ZFYVE9: variants seen among roughly 807,000 people sequenced by gnomAD.
ZFYVE9 encodes zinc finger FYVE domain-containing protein 9.
In ZFYVE9, 43 loss-of-function variants were observed where a neutral mutation model predicts 126.7. That is an observed-to-expected ratio of 0.34 (90% CI 0.27 to 0.44). ZFYVE9 has a LOEUF of 0.44. ZFYVE9 is among the 20% of genes least tolerant of loss of function. The probability of loss-of-function intolerance (pLI) is 1.00; values close to 1 mark genes in which losing one functional copy is unlikely to be tolerated. For synonymous variants in ZFYVE9, 521 were observed against 597.4 expected (o/e 0.87, Z 1.87); for missense variants, 1,476 against 1,697.0 (o/e 0.87, Z 2.29).
intron 10 of ZFYVE9, among the ~76,000 whole-genome samples, chr1:52,288,039 A>G (rs1014272575): frequency 1.3e-5 from 2 of 152,226 alleles, no homozygotes; most frequent in Non-Finnish European, 2.9e-5. Context: ...CAAAATACCT[A>G]ACATTTTTTG....
rs1180489546 is a variant in ZFYVE9, at chr1:52,239,127, A to G, written c.1710A>G (p.Pro570=). 7 of 1,614,152 alleles carry G rather than the reference A, an allele frequency of 4.3e-6. No homozygotes were observed. The highest frequency in any genetic ancestry group is 1.7e-5 in the Admixed American group (1 of 59,994). The change falls in exon 4 of 19, where the codon CCA becomes CCG. Residue 570 remains proline, a synonymous_variant. Coordinates refer to ENST00000287727, the MANE Select transcript of ZFYVE9 (RefSeq NM_004799.4). ...CCCCCAAGGTAGTAGCAAGCCTGCC[A>G]TCTATCAGTGTTCCTTTTGGTGGTG... ...QSSPKVVASL[P]SISVPFGGAR...
chr1:52,219,351 G>A (rs993023189), intron 2 of ZFYVE9, among the ~76,000 whole-genome samples: 1 of 152,112 alleles, frequency 6.6e-6, no homozygotes, highest in African/African-American at 2.4e-5. Flanking sequence ...TGTTAGTTTG[G>A]AGGGTATTGA....
chr1:52,266,805 G>A lies in ZFYVE9; in HGVS notation c.2429G>A (p.Gly810Glu). Residue 810 changes from glycine to glutamate, a missense_variant, in exon 6 of 19, where the codon GGA becomes GAA. Coordinates refer to ENST00000287727, the MANE Select transcript of ZFYVE9 (RefSeq NM_004799.4). ...CCTCCCACTGTGATGGTACCTGTGG[G>A]AGTTTTAAAGCACCCTGGAGCAGAA... ...SPPPTVMVPV[G>E]VLKHPGAEVA... 2.5e-6 allele frequency: 4 copies of A among 1,605,748 alleles called. No individual in the cohort carries two copies. The highest frequency in any genetic ancestry group is 3.4e-6 in the Non-Finnish European group (4 of 1,176,812).
intron 13 of ZFYVE9, among the ~76,000 whole-genome samples, chr1:52,326,442 A>T (rs1486854661): frequency 1.3e-5 from 2 of 152,218 alleles, no homozygotes; most frequent in East Asian, 3.8e-4. Context: ...TAACTCTATG[A>T]AATAGTTACT....
Position 52,158,398 on chromosome 1 carries a change from T to A in ZFYVE9, c.-143+15995T>A, listed in dbSNP as rs545807544. On this transcript the variant is annotated intron_variant, in intron 1 of 18. Transcript: ENST00000287727. ...TAGGGACAGATCCTGAGGGAGCCCC[T>A]GTGTTGCCTTGCAGGTGACAGACCT... is the stretch of plus-strand genomic sequence containing the variant. Among the ~76,000 whole-genome samples, 12 of 152,342 alleles carry A rather than the reference T, an allele frequency of 7.9e-5. No homozygotes were observed. In the East Asian group the frequency reaches 2.3e-3, roughly 29 times the overall value.
At chr1:52,283,060 C>G (rs1160256941) in intron 10 of ZFYVE9, among the ~76,000 whole-genome samples, 1 of 152,104 alleles carries the variant, frequency 6.6e-6, no homozygotes, top group Non-Finnish European at 1.5e-5. Context: ...TGTGAAGTAC[C>G]TTTTAATGTT....
chr1:52,260,168 C>T (rs1645565068), intron 4 of ZFYVE9, among the ~76,000 whole-genome samples: 1 of 151,896 alleles, frequency 6.6e-6, no homozygotes, highest in Non-Finnish European at 1.5e-5. Context: ...AATCTAAGAG[C>T]TATACCCTCA....
At chr1:52,298,576 G>A (rs915268238) in intron 12 of ZFYVE9, among the ~76,000 whole-genome samples, 54 of 152,104 alleles carry the variant, frequency 3.6e-4, no homozygotes, top group African/African-American at 1.2e-3. Flanking sequence ...CAGGTAGTGT[G>A]ATATCTCTAG....
intron 1 of ZFYVE9, among the ~76,000 whole-genome samples, chr1:52,160,797 T>TTTGTTTG (rs1644450939): frequency 6.6e-6 from 1 of 152,358 alleles, no homozygotes; most frequent in East Asian, 1.9e-4. Context: ...TGAATGTGTT[T>TTTGTTTG]TTGTTTGTTA....
At chr1:52,226,780 AG>A (rs1428154853) in intron 2 of ZFYVE9, among the ~76,000 whole-genome samples, 5 of 152,244 alleles carry the variant, frequency 3.3e-5, no homozygotes, top group Admixed American at 2.6e-4. Flanking sequence ...TTCAAAGCAA[AG>A]GCAGGACTAC....
chr1:52,268,131 A>G (rs2147802169), intron 6 of ZFYVE9, among the ~76,000 whole-genome samples: 1 of 152,328 alleles, frequency 6.6e-6, no homozygotes, highest in South Asian at 2.1e-4. Flanking sequence ...TTTATTTCCG[A>G]GGCCCTTGAA....
intron 13 of ZFYVE9, among the ~76,000 whole-genome samples, chr1:52,322,663 A>G (rs553004119): frequency 2.9e-4 from 44 of 152,110 alleles, no homozygotes; most frequent in African/African-American, 1.0e-3. Flanking sequence ...GGAGTGAGCC[A>G]CCATGCCCAG....
intron 9 of ZFYVE9, among the ~76,000 whole-genome samples, chr1:52,281,048 T>G (rs1025103091): frequency 3.9e-5 from 6 of 152,098 alleles, no homozygotes; most frequent in African/African-American, 1.2e-4. Flanking sequence ...GAATGTTGCT[T>G]CTTTTAATAG....
In ZFYVE9 at chr1:52,237,843, G is replaced by C. The variant is rs58871384; in HGVS notation, c.426G>C (p.Leu142=). Reference sequence around the variant, plus strand: ...AGAAATGTGGAAACCTGGCTTGTCTGCCAGATGAGAAGAATGTTCTTGTTG... The same window carrying C: ...AGAAATGTGGAAACCTGGCTTGTCTCCCAGATGAGAAGAATGTTCTTGTTG... ...GEKKCGNLAC[L]PDEKNVLVVA... is the part of the protein sequence containing the mutation. Residue 142 remains leucine (L), a synonymous_variant, in exon 4 of 19, where the codon CTG becomes CTC. Coordinates refer to ENST00000287727, the MANE Select transcript of ZFYVE9 (RefSeq NM_004799.4). The C allele has an allele frequency of 8.7e-4, 1,405 of 1,614,072 alleles. 12 individuals carry two copies. In the African/African-American group the frequency reaches 0.017, roughly 20 times the overall value.
At chr1:52,318,852 C>T (rs1450309138) in intron 13 of ZFYVE9, among the ~76,000 whole-genome samples, 7 of 152,144 alleles carry the variant, frequency 4.6e-5, no homozygotes, top group Non-Finnish European at 8.8e-5. Context: ...AATTCCAACA[C>T]TTTGGAGGAC....
At chr1:52,278,781 C>T (rs1016287810) in intron 9 of ZFYVE9, among the ~76,000 whole-genome samples, 167 bp downstream of exon 9, 27 of 148,752 alleles carry the variant, frequency 1.8e-4, no homozygotes, top group African/African-American at 6.7e-4. Context: ...GGCTGGAGTG[C>T]AGTGGCACCA....
intron 1 of ZFYVE9, among the ~76,000 whole-genome samples, chr1:52,181,123 C>G (rs994535904): frequency 6.6e-5 from 10 of 152,144 alleles, no homozygotes; most frequent in African/African-American, 1.9e-4. Flanking sequence ...CGGTCTCCCT[C>G]TGATGCCGAG....
intron 2 of ZFYVE9, among the ~76,000 whole-genome samples, chr1:52,227,719 G>A (rs1447076620): frequency 6.6e-6 from 1 of 152,182 alleles, no homozygotes; most frequent in Non-Finnish European, 1.5e-5. Context: ...TCCTGAGTGA[G>A]GACTAGGTTA....
intron 2 of ZFYVE9, among the ~76,000 whole-genome samples, chr1:52,226,865 T>C (rs2124612589): frequency 6.6e-6 from 1 of 152,334 alleles, no homozygotes; most frequent in East Asian, 1.9e-4. Flanking sequence ...AATTTCTGAT[T>C]AGCCTCTCCA....
Sources: allele counts gnomAD v4.1 joint callset (sites outside exome capture counted in the v4.1 genomes callset), GRCh38; gene constraint gnomAD v4.1.1; transcripts MANE v1.5; gene names NCBI Gene and HGNC (gene_info 2026-07-23, HGNC 2026-07-21).